The following PDE4D variants were observed in gnomAD, a reference collection of about 807,000 sequenced individuals.
The protein encoded by PDE4D is phosphodiesterase 4D.
Under a neutral mutation model 87.4 loss-of-function variants are expected in PDE4D, and 24 were observed. That is an observed-to-expected ratio of 0.27 (90% CI 0.20 to 0.39). The LOEUF (loss-of-function observed/expected upper bound fraction) is 0.39, where lower values mean the gene tolerates loss of function less well. PDE4D is among the 10% of genes least tolerant of loss of function. PDE4D has a pLI of 1.00. For missense variants in PDE4D, 714 were observed against 1,041.0 expected, an observed-to-expected ratio of 0.69 and a Z score of 4.32; for synonymous variants, 384 against 383.2, an observed-to-expected ratio of 1.00 and a Z score of -0.02.
intron 1 of PDE4D, among the ~76,000 whole-genome samples, chr5:60,213,548 C>T (rs748494360): frequency 3.3e-5 from 5 of 152,186 alleles, no homozygotes; most frequent in Non-Finnish European, 5.9e-5. Context: ...CGATTCTTTT[C>T]GCAATTCTCT....
intron 1 of PDE4D, among the ~76,000 whole-genome samples, chr5:59,508,731 A>G (rs1220579232): frequency 3.9e-5 from 6 of 152,074 alleles, no homozygotes; most frequent in Non-Finnish European, 7.4e-5. Flanking sequence ...ATAAAAATCA[A>G]CACACATATT....
chr5:59,785,991 T>TG (rs1346837127), intron 1 of PDE4D, among the ~76,000 whole-genome samples: 1 of 133,308 alleles, frequency 7.5e-6, no homozygotes, highest in African/African-American at 2.8e-5. Context: ...TGAGAATGGT[T>TG]GGGGGGTGAG....
At chr5:59,624,905 T>C (rs1255553247) in intron 1 of PDE4D, among the ~76,000 whole-genome samples, 1 of 152,140 alleles carries the variant, frequency 6.6e-6, no homozygotes, top group Non-Finnish European at 1.5e-5. Context: ...CCTAATCTTC[T>C]CTCCTTTTCA....
intron 1 of PDE4D, among the ~76,000 whole-genome samples, chr5:60,404,603 C>G (rs1044072209): frequency 6.6e-6 from 1 of 152,134 alleles, no homozygotes; most frequent in African/African-American, 2.4e-5. Flanking sequence ...GGCCCAGGAA[C>G]AGGATATTTT....
intron 11 of PDE4D, among the ~76,000 whole-genome samples, chr5:58,987,608 C>T (rs572481473): frequency 6.8e-6 from 1 of 147,998 alleles, no homozygotes; most frequent in Non-Finnish European, 1.5e-5. Context: ...GCTATAGGCA[C>T]GAGAAGACTA....
intron 1 of PDE4D, among the ~76,000 whole-genome samples, chr5:59,356,284 T>C (rs1022127746): frequency 6.6e-6 from 1 of 152,228 alleles, no homozygotes; most frequent in African/African-American, 2.4e-5. Flanking sequence ...AATATTTAGT[T>C]TGAATTCATG....
At chr5:59,604,029 G>A (rs62355562) in intron 1 of PDE4D, among the ~76,000 whole-genome samples, 11,407 of 148,028 alleles carry the variant, frequency 0.077, 588 homozygotes, top group Admixed American at 0.14. Context: ...CAATTTTATT[G>A]GACAGTTAAG....
chr5:59,636,699 A>G (rs912577795), intron 1 of PDE4D, among the ~76,000 whole-genome samples: 1 of 152,228 alleles, frequency 6.6e-6, no homozygotes, highest in African/African-American at 2.4e-5. Flanking sequence ...CTGGCTAGCC[A>G]TATGCAGAAA....
chr5:59,238,678 C>G (rs1757007285), intron 1 of PDE4D, among the ~76,000 whole-genome samples: 1 of 152,058 alleles, frequency 6.6e-6, no homozygotes, highest in Non-Finnish European at 1.5e-5. Context: ...TCATAGTTAT[C>G]CCTTTTGAGT....
At chr5:60,142,009 T>C (rs1016488990) in intron 2 of PDE4D, among the ~76,000 whole-genome samples, 1 of 152,136 alleles carries the variant, frequency 6.6e-6, no homozygotes, top group African/African-American at 2.4e-5. Flanking sequence ...TAAACCCTGA[T>C]CATCATTTGT....
rs150527418 is a variant in PDE4D, at chr5:60,113,556, C to T, written c.42+72001G>A. On this transcript the variant is annotated intron_variant, in intron 2 of 16. Coordinates refer to the PDE4D transcript ENST00000502484. ...GCCTCCCTTCATCCTACCATAGTTGCTCACCATGTGTCCAGTCCTTTGGGG... is the reference window on the plus strand; with the variant it reads ...GCCTCCCTTCATCCTACCATAGTTGTTCACCATGTGTCCAGTCCTTTGGGG... Among the ~76,000 whole-genome samples, 21 of 152,240 alleles carry T rather than the reference C, an allele frequency of 1.4e-4. No individual in the cohort carries two copies. In the East Asian group the frequency reaches 4.1e-3, roughly 29 times the overall value.
At chr5:60,342,824 G>C (rs1667256673) in intron 1 of PDE4D, among the ~76,000 whole-genome samples, 1 of 152,118 alleles carries the variant, frequency 6.6e-6, no homozygotes, top group Non-Finnish European at 1.5e-5. Context: ...ATTCTCAAAA[G>C]GGGAGCAATT....
chr5:59,656,899 G>A (rs1744453982), intron 1 of PDE4D, among the ~76,000 whole-genome samples: 1 of 152,084 alleles, frequency 6.6e-6, no homozygotes, highest in South Asian at 2.1e-4. Flanking sequence ...TATAGAGATA[G>A]CATTTCCAAG....
intron 1 of PDE4D, among the ~76,000 whole-genome samples, chr5:60,447,249 T>C (rs561772023): frequency 6.6e-6 from 1 of 152,304 alleles, no homozygotes; most frequent in East Asian, 1.9e-4. Flanking sequence ...TATCATCATA[T>C]GGATAAATTT....
intron 1 of PDE4D, among the ~76,000 whole-genome samples, chr5:59,634,160 G>C (rs1831949166): frequency 6.6e-6 from 1 of 152,170 alleles, no homozygotes; most frequent in African/African-American, 2.4e-5. Flanking sequence ...TATTGGTAAA[G>C]GGTTCAATGC....
chr5:60,115,276 TTA>T (rs1778065971), intron 2 of PDE4D, among the ~76,000 whole-genome samples: 1 of 152,038 alleles, frequency 6.6e-6, no homozygotes, highest in African/African-American at 2.4e-5. Flanking sequence ...GCTGGAATGG[TTA>T]TGAGTCACTG....
At position 60,036,910 on chromosome 5, in the gene PDE4D, G is replaced by A. The variant is rs1436223714; in HGVS notation, c.43-48193C>T. 2.0e-5 allele frequency among the ~76,000 whole-genome samples: 3 copies of A among 152,240 alleles called. No homozygotes were observed. The South Asian group carries it at 6.2e-4, about 32-fold the overall frequency. On this transcript the variant is annotated intron_variant, in intron 2 of 16. Transcript: ENST00000502484. ...TTCATAATTTTGGAAAGGGGTAGAG[G>A]GAGGAAAAACACAAAATACATATAA...
At chr5:59,502,903 G>T (rs1808566904) in intron 1 of PDE4D, among the ~76,000 whole-genome samples, 1 of 137,382 alleles carries the variant, frequency 7.3e-6, no homozygotes. Context: ...TAGGAGATTA[G>T]AAGGCTTTTT....
chr5:59,952,507 C>T (rs1467050769), intron 3 of PDE4D, among the ~76,000 whole-genome samples: 1 of 152,144 alleles, frequency 6.6e-6, no homozygotes, highest in Admixed American at 6.5e-5. Flanking sequence ...ATATACAGAT[C>T]TTCTTATGTT....
Sources: gnomAD v4.1 joint callset for allele counts (sites outside exome capture counted in the v4.1 genomes callset) on GRCh38, gnomAD v4.1.1 for gene constraint, MANE v1.5 for transcripts, NCBI Gene and HGNC (gene_info 2026-07-23, HGNC 2026-07-21) for gene names.